Variants in HADHA observed in about 807,000 individuals in gnomAD.
The protein encoded by HADHA is trifunctional enzyme subunit alpha, mitochondrial.
Under a neutral mutation model 91.3 loss-of-function variants are expected in HADHA, and 59 were observed. The ratio of observed to expected loss-of-function variants is 0.65; its 90% CI spans 0.52 to 0.80. HADHA has a LOEUF of 0.80. Among genes scored for constraint, HADHA ranks in the 30% least tolerant of loss-of-function variants. HADHA has a pLI of 0.00. For synonymous variants in HADHA, 320 were observed against 338.9 expected, an observed-to-expected ratio of 0.94 and a Z score of 0.61; for missense variants, 800 against 927.6, an observed-to-expected ratio of 0.86 and a Z score of 1.79.
At position 26,212,599 on chromosome 2, in the gene HADHA, T is replaced by C. The variant is rs1272022350; in HGVS notation, c.946A>G (p.Ser316Gly). 1 of 1,602,652 alleles carries C rather than the reference T, an allele frequency of 6.2e-7. No homozygotes were observed. Among genetic ancestry groups the C allele is most frequent in the Non-Finnish European group, 8.6e-7 (1 of 1,169,588 alleles). ...GATTCACAGAGATAACCGGCATCAC[T>C]CCCTTGCTCAATTCCAGTCTTTACC... Reference protein sequence around the residue: ...DVVKTGIEQGSDAGYLCESQK... With the variant: ...DVVKTGIEQGGDAGYLCESQK... The change falls in exon 10 of 20, where the codon AGT becomes GGT. Residue 316 changes from serine to glycine, a missense_variant. By Grantham distance (56) the Ser-to-Gly change is moderately conservative. Coordinates refer to ENST00000380649, the MANE Select transcript of HADHA (RefSeq NM_000182.5).
At chr2:26,203,989 A>C in intron 12 of HADHA, 73 bp downstream of exon 12, 1 of 1,457,350 alleles carries the variant, frequency 6.9e-7, no homozygotes, top group Non-Finnish European at 9.6e-7. Context: ...AAACCCACCA[A>C]GCCACCACAA....
chr2:26,220,588 C>T (rs1172657037), intron 7 of HADHA, among the ~76,000 whole-genome samples: 1 of 152,246 alleles, frequency 6.6e-6, no homozygotes, highest in Non-Finnish European at 1.5e-5. Flanking sequence ...AACTGCAATT[C>T]TAACTGGTGT....
chr2:26,238,848 TG>T, intron 3 of HADHA, 85 bp downstream of exon 3: 7 of 850,286 alleles, frequency 8.2e-6, no homozygotes. Flanking sequence ...TTGGTAGATT[TG>T]GGGAAATATG....
intron 9 of HADHA, among the ~76,000 whole-genome samples, chr2:26,213,564 TC>T (rs763947954): frequency 1.3e-5 from 2 of 152,154 alleles, no homozygotes; most frequent in Non-Finnish European, 2.9e-5. Flanking sequence ...ATGCCCACCC[TC>T]CTTGGCAATA....
intron 11 of HADHA, among the ~76,000 whole-genome samples, chr2:26,209,134 C>A (rs1670034493): frequency 6.6e-6 from 1 of 152,124 alleles, no homozygotes; most frequent in Admixed American, 6.5e-5. Context: ...CCCACAGATG[C>A]CAGTAGCATC....
chr2:26,192,540 A>T (rs1669538976), intron 17 of HADHA, 116 bp from the exon 18 acceptor site: 1 of 735,944 alleles, frequency 1.4e-6, no homozygotes, highest in Admixed American at 1.8e-5. Flanking sequence ...TAATCCCAGC[A>T]CTTTGGGAGG....
chr2:26,238,995 T>G lies in HADHA; in HGVS notation c.119A>C (p.His40Pro), dbSNP rs760474963. 6.2e-7 allele frequency: 1 copy of G among 1,604,748 alleles called. No individual in the cohort carries two copies. Among genetic ancestry groups the G allele is most frequent in the Non-Finnish European group, 8.5e-7 (1 of 1,171,710 alleles). ...TGSSALLTRT[H>P]INYGVKGDVA... ...ATCCCCTTTGACTCCATAGTTAATA[T>G]GGGTTCTGGCTAAAAAGAAAAGAAA... The change falls in exon 3 of 20, where the codon CAT becomes CCT. Residue 40 changes from histidine to proline, a missense_variant. Transcript: ENST00000380649.
chr2:26,244,374 G>A (rs1411545324), intron 1 of HADHA, among the ~76,000 whole-genome samples, 156 bp downstream of exon 1: 1 of 152,230 alleles, frequency 6.6e-6, no homozygotes, highest in Non-Finnish European at 1.5e-5. Context: ...TCTTCAGAAG[G>A]TCACGGGAAA....
Position 26,205,337 on chromosome 2 carries a change from C to T in HADHA, c.1086-1141G>A, listed in dbSNP as rs116268568. Among the ~76,000 whole-genome samples, 1,012 of 152,310 alleles carry T rather than the reference C, an allele frequency of 6.6e-3. 6 individuals carry two copies. Among genetic ancestry groups the T allele is most frequent in the Non-Finnish European group, 0.012 (786 of 68,030 alleles). Reference sequence around the variant, plus strand: ...CATTCTGATTGTAATGTTCAAAAATCATACTAAAGTCCTGAAAAGGAAATC... The same window carrying T: ...CATTCTGATTGTAATGTTCAAAAATTATACTAAAGTCCTGAAAAGGAAATC... On this transcript the variant is annotated intron_variant, in intron 11 of 19. Coordinates refer to ENST00000380649, the MANE Select transcript of HADHA (RefSeq NM_000182.5).
chr2:26,191,487 C>G lies in HADHA; in HGVS notation c.2142G>C (p.Leu714=). Residue 714 remains leucine, a synonymous_variant, in exon 19 of 20, where the codon CTG becomes CTC. Transcript: ENST00000380649. ...TTCCCAACCTGCGAGACCAACCTCC[C>G]AGACAAGGCGGGAAGCCAAGCCCAA... ...AVFGLGFPPC[L]GGPFRFVDLY... 1 of 1,614,198 alleles carries G rather than the reference C, an allele frequency of 6.2e-7. No homozygotes were observed. The highest frequency in any genetic ancestry group is 8.5e-7 in the Non-Finnish European group (1 of 1,180,030).
In HADHA at chr2:26,201,169, C is replaced by T. The variant is rs1354337097; in HGVS notation, c.1372G>A (p.Val458Met). ...CTTACCGCTTCTACTTCCTTTAGCACTCTGTGCTTAAGACTAAGGTCCTCA... is the reference window on the plus strand; with the variant it reads ...CTTACCGCTTCTACTTCCTTTAGCATTCTGTGCTTAAGACTAAGGTCCTCA... Reference protein sequence around the residue: ...VFEDLSLKHRVLKEVEAVIPD... With the variant: ...VFEDLSLKHRMLKEVEAVIPD... The change falls in exon 13 of 20, where the codon GTG (valine) becomes ATG (methionine). Residue 458 changes from valine to methionine, a missense_variant. Coordinates refer to ENST00000380649, the MANE Select transcript of HADHA (RefSeq NM_000182.5). 9 of 1,613,634 alleles carry T rather than the reference C, an allele frequency of 5.6e-6. No homozygotes were observed. The highest frequency in any genetic ancestry group is 1.1e-5 in the South Asian group (1 of 91,084).
In HADHA at chr2:26,191,205, G is replaced by A. The variant is rs761478081; in HGVS notation, c.*45C>T. 8 of 1,592,958 alleles carry A rather than the reference G, an allele frequency of 5.0e-6. No individual in the cohort carries two copies. Among genetic ancestry groups the A allele is most frequent in the Middle Eastern group, 2.3e-4 (1 of 4,432 alleles). ...ACTCTGTTGGAGAACCAGCACTGCC[G>A]GCAGCTGGGGTTAGTGCACTGACTG... On this transcript the variant is annotated 3_prime_UTR_variant, in exon 20 of 20. Coordinates refer to ENST00000380649, the MANE Select transcript of HADHA (RefSeq NM_000182.5).
chr2:26,227,716 TC>T (rs1670517664), intron 7 of HADHA, among the ~76,000 whole-genome samples: 1 of 151,956 alleles, frequency 6.6e-6, no homozygotes, highest in African/African-American at 2.4e-5. Context: ...TGCCTCGTAA[TC>T]CCGGCTTCTT....
rs1259729862 is a variant in HADHA at position 26,221,602 on chromosome 2, G to A, written c.677-6427C>T. On this transcript the variant is annotated intron_variant, in intron 7 of 19. Coordinates refer to ENST00000380649, the MANE Select transcript of HADHA (RefSeq NM_000182.5). The surrounding 1 kb of genome is among the most constrained non-coding windows in gnomAD (Gnocchi z 4.8). ...GACCCTAAAGGCACAAGCTGCATGA[G>A]GAAGTAGCCAAAATACCCCACGGCC... Among the ~76,000 whole-genome samples, 1 of 152,182 alleles carries A rather than the reference G, an allele frequency of 6.6e-6. No individual in the cohort carries two copies. Among genetic ancestry groups the A allele is most frequent in the Non-Finnish European group, 1.5e-5 (1 of 68,036 alleles).
intron 12 of HADHA, 48 bp from the exon 13 acceptor site, chr2:26,201,368 GT>G: frequency 7.5e-7 from 1 of 1,327,812 alleles, no homozygotes; most frequent in Non-Finnish European, 1.1e-6. Context: ...GGAAACTAAC[GT>G]TTATTGAATG....
chr2:26,222,586 A>T (rs984229764), intron 7 of HADHA, among the ~76,000 whole-genome samples: 1 of 152,202 alleles, frequency 6.6e-6, no homozygotes, highest in Admixed American at 6.5e-5. Flanking sequence ...AACAGTGGCC[A>T]TGATGGTGGG....
rs1560865 is a variant in HADHA, at chr2:26,229,329, C to A, written c.676+863G>T. ...TTCCAGTCTGAGCAACAGAGTGAGA[C>A]CCCAACATGTGTGCGCGCGCACACA... On this transcript the variant is annotated intron_variant, in intron 7 of 19. Transcript: ENST00000380649. This position sits in a 1 kb window ranked among gnomAD's most constrained non-coding sequence, Gnocchi z 4.3. Among the ~76,000 whole-genome samples, 120,701 of 151,174 alleles carry A rather than the reference C, an allele frequency of 0.8. 48,241 individuals are homozygous for A. The highest frequency in any genetic ancestry group is 0.85 in the African/African-American group (35,106 of 41,150).
intron 17 of HADHA, among the ~76,000 whole-genome samples, chr2:26,193,166 C>T (rs1669560846): frequency 1.3e-5 from 2 of 151,932 alleles, no homozygotes; most frequent in Non-Finnish European, 2.9e-5. Context: ...GATTTCATCT[C>T]TGGGGGATAA....
intron 3 of HADHA, among the ~76,000 whole-genome samples, chr2:26,238,410 A>T (rs2147785231): frequency 6.6e-6 from 1 of 152,348 alleles, no homozygotes; most frequent in East Asian, 1.9e-4. Context: ...ACTGTTACAC[A>T]CTTTATTGAA....
Sources: allele counts gnomAD v4.1 joint callset (sites outside exome capture counted in the v4.1 genomes callset), GRCh38; gene constraint gnomAD v4.1.1; non-coding constraint Gnocchi (gnomAD v3.1); transcripts MANE v1.5; gene names NCBI Gene and HGNC (gene_info 2026-07-23, HGNC 2026-07-21).